HERPUD2: variants seen among roughly 807,000 people sequenced by gnomAD.
HERPUD2 encodes homocysteine-responsive endoplasmic reticulum-resident ubiquitin-like domain member 2 protein.
Under a neutral mutation model 49.9 loss-of-function variants are expected in HERPUD2, and 13 were observed. The observed-to-expected ratio is 0.26, with a 90% CI of 0.17 to 0.41. The LOEUF (loss-of-function observed/expected upper bound fraction) is 0.41. HERPUD2 is among the 10% of genes least tolerant of loss of function. HERPUD2 has a pLI of 1.00. For missense variants in HERPUD2, 449 were observed against 492.2 expected, an observed-to-expected ratio of 0.91 and a Z score of 0.83; for synonymous variants, 172 against 171.4, an observed-to-expected ratio of 1.00 and a Z score of -0.03.
At chr7:35,657,475 G>C (rs1376129816) in intron 5 of HERPUD2, among the ~76,000 whole-genome samples, 1 of 151,810 alleles carries the variant, frequency 6.6e-6, no homozygotes, top group African/African-American at 2.4e-5. Flanking sequence ...ACTAAACACA[G>C]TTTGGGTGTG....
rs541470085 is a variant in HERPUD2, at chr7:35,648,972, C to G, written c.495-10500G>C. 2.6e-5 allele frequency among the ~76,000 whole-genome samples: 4 copies of G among 152,262 alleles called. No individual in the cohort carries two copies. In the East Asian group the frequency reaches 7.7e-4, roughly 29 times the overall value. On this transcript the variant is annotated intron_variant, in intron 5 of 8. Transcript: ENST00000311350. ...GACTTTAAATGTTGTGGATTTATGGCCGGGAGCAGTGGCTCACGCCTGTAA... is the reference window on the plus strand; with the variant it reads ...GACTTTAAATGTTGTGGATTTATGGGCGGGAGCAGTGGCTCACGCCTGTAA...
chr7:35,637,160 A>AGAT (rs1784884130), intron 6 of HERPUD2, among the ~76,000 whole-genome samples: 70 of 144,194 alleles, frequency 4.9e-4, no homozygotes, highest in East Asian at 3.7e-3. Context: ...GAAAGAAAGA[A>AGAT]AGATAGATAG....
At chr7:35,691,740 A>G (rs1786193456) in intron 2 of HERPUD2, among the ~76,000 whole-genome samples, 1 of 152,234 alleles carries the variant, frequency 6.6e-6, no homozygotes, top group African/African-American at 2.4e-5. Context: ...ATATTACTTA[A>G]TAGCAAACTG....
chr7:35,675,283 G>A (rs141109728), intron 2 of HERPUD2, among the ~76,000 whole-genome samples: 1 of 152,214 alleles, frequency 6.6e-6, no homozygotes, highest in African/African-American at 2.4e-5. Flanking sequence ...CGTGTTGTGA[G>A]AGCATAGTAG....
At chr7:35,651,088 C>T (rs1785156784) in intron 5 of HERPUD2, among the ~76,000 whole-genome samples, 1 of 152,192 alleles carries the variant, frequency 6.6e-6, no homozygotes, top group Non-Finnish European at 1.5e-5. Flanking sequence ...TGGCAACTGG[C>T]CCACCCAACC....
At position 35,670,222 on chromosome 7, in the gene HERPUD2, C is replaced by T; in HGVS notation, c.332G>A (p.Ser111Asn). 6.5e-7 allele frequency: 1 copy of T among 1,529,824 alleles called. No individual in the cohort carries two copies. The highest frequency in any genetic ancestry group is 1.2e-5 in the South Asian group (1 of 81,812). The allele number at this position is 1,529,824 out of a possible 1,614,324, so 94.8% of individuals were successfully genotyped here. A position where few individuals can be genotyped will look rare whatever the true frequency, so the allele number is the denominator to read the frequency against. ...RESHEALASS[S>N]NSSSDHSGST... ...CCTCCCAAAACAACTCACAGAATTG[C>T]TGCTGGATGCCAATGCTTCATGACT... Residue 111 changes from serine to asparagine, a missense_variant, in exon 4 of 9, where the codon AGC becomes AAC. Physicochemically the swap from Ser to Asn is conservative, Grantham distance 46. Transcript: ENST00000311350.
intron 6 of HERPUD2, among the ~76,000 whole-genome samples, chr7:35,636,179 AGACT>A (rs1235230608): frequency 6.6e-6 from 1 of 152,254 alleles, no homozygotes; most frequent in African/African-American, 2.4e-5. Flanking sequence ...TTGTAAAATA[AGACT>A]GACATGAATT....
At chr7:35,660,388 T>C (rs919240910) in intron 5 of HERPUD2, among the ~76,000 whole-genome samples, 1 of 152,226 alleles carries the variant, frequency 6.6e-6, no homozygotes, top group African/African-American at 2.4e-5. Context: ...TTTGGGTATA[T>C]GCCCAGTAAT....
intron 5 of HERPUD2, among the ~76,000 whole-genome samples, chr7:35,649,219 C>A (rs1249258864): frequency 1.3e-5 from 2 of 151,212 alleles, no homozygotes; most frequent in African/African-American, 4.9e-5. Flanking sequence ...CCACTGCACT[C>A]CAGCCTGGGC....
chr7:35,673,504 ATAAT>A (rs781673336), intron 2 of HERPUD2, among the ~76,000 whole-genome samples: 1 of 152,174 alleles, frequency 6.6e-6, no homozygotes, highest in South Asian at 2.1e-4. Context: ...TAAAGTACAG[ATAAT>A]TAATACATTT....
At chr7:35,633,893 C>T (rs773940155) in intron 8 of HERPUD2, 42 bp from the exon 9 acceptor site, 11 of 1,569,864 alleles carry the variant, frequency 7.0e-6, no homozygotes, top group South Asian at 5.7e-5. Flanking sequence ...GTGATATGAA[C>T]GAGCATTAGC....
At position 35,682,796 on chromosome 7, in the gene HERPUD2, C is replaced by T. The variant is rs890121732; in HGVS notation, c.148-9518G>A. 6.1e-5 allele frequency among the ~76,000 whole-genome samples: 9 copies of T among 148,406 alleles called. No individual in the cohort carries two copies. The South Asian group carries it at 1.1e-3, about 18-fold the overall frequency. ...ACAGCAACCAAGCGGAGAATCAAAA[C>T]GAGAACTCAACCCCTTTTACAACAG... On this transcript the variant is annotated intron_variant, in intron 2 of 8. Transcript: ENST00000311350.
At chr7:35,682,541 C>T (rs1037629917) in intron 2 of HERPUD2, among the ~76,000 whole-genome samples, 3 of 151,370 alleles carry the variant, frequency 2.0e-5, no homozygotes, top group Non-Finnish European at 4.4e-5. Context: ...TCCTTTCCAA[C>T]ATAGTACTCT....
chr7:35,681,725 A>T (rs1397212210), intron 2 of HERPUD2, among the ~76,000 whole-genome samples: 1 of 152,200 alleles, frequency 6.6e-6, no homozygotes, highest in Admixed American at 6.5e-5. Flanking sequence ...AGTTAAAGAT[A>T]GGAGGCACAA....
chr7:35,690,337 G>C (rs1251148439), intron 2 of HERPUD2, among the ~76,000 whole-genome samples: 1 of 152,112 alleles, frequency 6.6e-6, no homozygotes, highest in Non-Finnish European at 1.5e-5. Flanking sequence ...CCACATCCGA[G>C]GTTTTTAATT....
chr7:35,674,402 TATAGAGAGAGAGAGAGAGAG>T (rs1195482653), intron 2 of HERPUD2, among the ~76,000 whole-genome samples: 107 of 54,396 alleles, frequency 2.0e-3, no homozygotes, highest in East Asian at 0.013. Context: ...TATATATATA[TATAGAGAGAGAGAGAGAGAG>T]AGAGAGAGAG....
At chr7:35,669,588 T>C (rs1054563642) in intron 4 of HERPUD2, among the ~76,000 whole-genome samples, 2 of 152,172 alleles carry the variant, frequency 1.3e-5, no homozygotes, top group African/African-American at 4.8e-5. Context: ...TTTTTGAAAT[T>C]TGTAGAAAAT....
chr7:35,683,753 A>T (rs1785967452), intron 2 of HERPUD2, among the ~76,000 whole-genome samples: 1 of 152,244 alleles, frequency 6.6e-6, no homozygotes, highest in Non-Finnish European at 1.5e-5. Flanking sequence ...TGGGCTAAGG[A>T]CATGACAATT....
chr7:35,664,297 A>T (rs1010672870), intron 5 of HERPUD2, among the ~76,000 whole-genome samples: 10 of 152,104 alleles, frequency 6.6e-5, no homozygotes, highest in African/African-American at 2.4e-4. Context: ...GGGTAATGAG[A>T]CCTTTCTCTC....
Sources: gnomAD v4.1 joint callset for allele counts (sites outside exome capture counted in the v4.1 genomes callset) on GRCh38, gnomAD v4.1.1 for gene constraint, MANE v1.5 for transcripts, NCBI Gene and HGNC (gene_info 2026-07-23, HGNC 2026-07-21) for gene names.